The following PPP3CA variants were observed in gnomAD, a reference collection of about 807,000 sequenced individuals.
PPP3CA encodes CAM-PRP catalytic subunit.
In PPP3CA, 14 loss-of-function variants were observed where a neutral mutation model predicts 66.5. The ratio of observed to expected loss-of-function variants is 0.21; its 90% CI spans 0.14 to 0.33. The LOEUF (loss-of-function observed/expected upper bound fraction) is 0.33, where lower values mean the gene tolerates loss of function less well. Among genes scored for constraint, PPP3CA ranks in the 10% least tolerant of loss-of-function variants. The pLI is 1.00. For synonymous variants in PPP3CA, 232 were observed against 226.2 expected (o/e 1.03, Z -0.23); for missense variants, 317 against 639.5 (o/e 0.50, Z 5.44).
intron 2 of PPP3CA, among the ~76,000 whole-genome samples, chr4:101,169,442 GA>G (rs1401403964): frequency 6.6e-6 from 1 of 152,144 alleles, no homozygotes; most frequent in East Asian, 1.9e-4. Context: ...CATGTCATGA[GA>G]CGTGTAGTGC....
At chr4:101,040,875 T>C (rs941491594) in intron 10 of PPP3CA, among the ~76,000 whole-genome samples, 1 of 152,160 alleles carries the variant, frequency 6.6e-6, no homozygotes, top group Non-Finnish European at 1.5e-5. Flanking sequence ...CCTCTTCCAA[T>C]TGACTTTCCC....
chr4:101,150,549 A>T (rs1723105058), intron 2 of PPP3CA, among the ~76,000 whole-genome samples: 1 of 152,180 alleles, frequency 6.6e-6, no homozygotes, highest in African/African-American at 2.4e-5. Context: ...TTATGTAATG[A>T]TTGGTATCAC....
At position 101,093,677 on chromosome 4, in the gene PPP3CA, GAAGT is replaced by G. The variant is rs202239592; in HGVS notation, c.782+95_782+98del. The G allele has an allele frequency of 6.0e-4, 712 of 1,182,822 alleles. 9 individuals carry two copies. The highest frequency in any genetic ancestry group is 1.7e-4 in the Non-Finnish European group (153 of 886,032). The allele number at this position is 1,182,822 out of a possible 1,614,324, so 73.3% of individuals were successfully genotyped here. On this transcript the variant is annotated intron_variant, in intron 6 of 13. Coordinates refer to ENST00000394854, the MANE Select transcript of PPP3CA (RefSeq NM_000944.5). ...TAGTGAGCCTTTCATTTATATTAAA[GAAGT>G]AATACAAACATTATAAATAAATCAA...
At chr4:101,073,040 A>G (rs1423170717) in intron 8 of PPP3CA, among the ~76,000 whole-genome samples, 1 of 151,814 alleles carries the variant, frequency 6.6e-6, no homozygotes, top group Non-Finnish European at 1.5e-5. Flanking sequence ...TGGATTAATT[A>G]CACATATTGA....
intron 1 of PPP3CA, among the ~76,000 whole-genome samples, chr4:101,245,541 G>A (rs996196907): frequency 3.3e-5 from 5 of 151,948 alleles, no homozygotes; most frequent in East Asian, 3.9e-4. Flanking sequence ...ACCCCAGACC[G>A]GACTGTCATC....
At chr4:101,301,497 T>A (rs1326530735) in intron 1 of PPP3CA, among the ~76,000 whole-genome samples, 1 of 140,920 alleles carries the variant, frequency 7.1e-6, no homozygotes, top group Admixed American at 7.2e-5. Flanking sequence ...TATATGTAAT[T>A]TTTTTTTTTT....
At chr4:101,236,235 G>C (rs1219329172) in intron 1 of PPP3CA, among the ~76,000 whole-genome samples, 1 of 151,942 alleles carries the variant, frequency 6.6e-6, no homozygotes, top group Non-Finnish European at 1.5e-5. Context: ...TATTGGACTG[G>C]CTCTGCTGAG....
rs958948438 is a variant in PPP3CA at position 101,023,537 on chromosome 4, T to C, written c.*2328A>G. On this transcript the variant is annotated 3_prime_UTR_variant, in exon 14 of 14. Transcript: ENST00000394854. ...TTTTTTTTAGTCAGGATATTTTCTCTGCAGTTATAAGAAAGAAAATAAACA... is the reference window on the plus strand; with the variant it reads ...TTTTTTTTAGTCAGGATATTTTCTCCGCAGTTATAAGAAAGAAAATAAACA... 1.3e-5 allele frequency: 2 copies of C among 152,320 alleles called. No homozygotes were observed. Among genetic ancestry groups the C allele is most frequent in the African/African-American group, 4.8e-5 (2 of 41,470 alleles). The allele number at this position is 152,320 out of a possible 1,614,324, so 9.4% of individuals were successfully genotyped here.
intron 11 of PPP3CA, among the ~76,000 whole-genome samples, chr4:101,033,146 CCACT>C (rs1283037544): frequency 2.0e-5 from 3 of 151,830 alleles, no homozygotes; most frequent in African/African-American, 7.3e-5. Flanking sequence ...GACTAAATAA[CCACT>C]CACTCTTTCC....
chr4:101,143,661 G>T (rs900122819), intron 2 of PPP3CA, among the ~76,000 whole-genome samples: 7 of 151,958 alleles, frequency 4.6e-5, no homozygotes, highest in Non-Finnish European at 1.0e-4. Context: ...AATCTCTGTG[G>T]CCCCACTTCC....
At chr4:101,120,985 C>T (rs1361534107) in intron 2 of PPP3CA, among the ~76,000 whole-genome samples, 2 of 151,898 alleles carry the variant, frequency 1.3e-5, no homozygotes, top group Admixed American at 1.3e-4. Context: ...ATCATGTTTG[C>T]CTAACATGGT....
chr4:101,103,028 C>T (rs1212545278), intron 3 of PPP3CA, among the ~76,000 whole-genome samples: 1 of 141,848 alleles, frequency 7.0e-6, no homozygotes, highest in Non-Finnish European at 1.6e-5. Context: ...TAATTTTTGC[C>T]ACAGACATAG....
intron 1 of PPP3CA, among the ~76,000 whole-genome samples, chr4:101,333,396 G>T (rs1292221883): frequency 6.9e-6 from 1 of 145,556 alleles, no homozygotes; most frequent in Non-Finnish European, 1.5e-5. Context: ...AAAGTATTGG[G>T]ATTACAGGCA....
chr4:101,117,909 C>T (rs1275822654), intron 2 of PPP3CA, among the ~76,000 whole-genome samples: 1 of 151,768 alleles, frequency 6.6e-6, no homozygotes, highest in Admixed American at 6.6e-5. Flanking sequence ...CGAATGTATA[C>T]AAATTTGATC....
chr4:101,246,903 C>G (rs931426073), intron 1 of PPP3CA, among the ~76,000 whole-genome samples: 3 of 152,136 alleles, frequency 2.0e-5, no homozygotes, highest in Non-Finnish European at 4.4e-5. Context: ...CAGGCTTCTC[C>G]TATAACCCTT....
At chr4:101,161,038 A>T (rs1723489726) in intron 2 of PPP3CA, among the ~76,000 whole-genome samples, 1 of 152,134 alleles carries the variant, frequency 6.6e-6, no homozygotes. Flanking sequence ...AGATTATAAC[A>T]TCATATTTTT....
chr4:101,097,418 T>A (rs1350999282), intron 5 of PPP3CA, among the ~76,000 whole-genome samples: 2 of 152,032 alleles, frequency 1.3e-5, no homozygotes, highest in Non-Finnish European at 2.9e-5. Flanking sequence ...CCAGAAAAAA[T>A]TTGGCTTAGA....
At chr4:101,154,808 ATTTTTTT>A (rs779695561) in intron 2 of PPP3CA, among the ~76,000 whole-genome samples, 3 of 90,582 alleles carry the variant, frequency 3.3e-5, no homozygotes, top group Non-Finnish European at 3.9e-5. Context: ...CACTCCCAGA[ATTTTTTT>A]TTTTTTTTTT....
intron 1 of PPP3CA, among the ~76,000 whole-genome samples, chr4:101,262,249 A>T (rs1322027368): frequency 6.6e-6 from 1 of 152,128 alleles, no homozygotes; most frequent in Non-Finnish European, 1.5e-5. Flanking sequence ...ACTTTAAGTG[A>T]AATTAATAAC....
Sources: gnomAD v4.1 joint callset for allele counts (sites outside exome capture counted in the v4.1 genomes callset) on GRCh38, gnomAD v4.1.1 for gene constraint, MANE v1.5 for transcripts, NCBI Gene and HGNC (gene_info 2026-07-23, HGNC 2026-07-21) for gene names.